Variants in ST13 observed in about 807,000 individuals in gnomAD.
The protein encoded by ST13 is hsc70-interacting protein.
ST13 carries 23 observed loss-of-function variants against 56.7 expected under a neutral mutation model. The ratio of observed to expected loss-of-function variants is 0.41; its 90% CI spans 0.29 to 0.57. ST13 has a LOEUF of 0.57. ST13 is among the 20% of genes least tolerant of loss of function. The pLI, the probability that ST13 is intolerant of heterozygous loss-of-function variation, is 0.36. For missense variants in ST13, 369 were observed against 459.9 expected, an observed-to-expected ratio of 0.80 and a Z score of 1.81; for synonymous variants, 132 against 142.4, an observed-to-expected ratio of 0.93 and a Z score of 0.52.
intron 5 of ST13, 93 bp downstream of exon 5, chr22:40,840,533 G>C (rs1319747767): frequency 5.0e-5 from 55 of 1,095,500 alleles, no homozygotes; most frequent in Non-Finnish European, 1.4e-6. Flanking sequence ...GTATAGGACA[G>C]GTACATGTAA....
chr22:40,836,387 G>C (rs960748587), intron 5 of ST13, among the ~76,000 whole-genome samples: 17 of 152,214 alleles, frequency 1.1e-4, no homozygotes, highest in Non-Finnish European at 2.4e-4. Flanking sequence ...GGAGCTTCCA[G>C]TGAGGCGAGA....
At position 40,837,385 on chromosome 22, in the gene ST13, G is replaced by A. The variant is rs186089682; in HGVS notation, c.383-1498C>T. 6.0e-3 allele frequency among the ~76,000 whole-genome samples: 915 copies of A among 152,272 alleles called. 6 individuals are homozygous for A. The highest frequency in any genetic ancestry group is 0.031 in the Middle Eastern group (9 of 294). ...AATCTCAGCACTTTGGGAGGCCGAGGCAGGTGGATCACCTGAGGTCGGGAG... is the reference window on the plus strand; with the variant it reads ...AATCTCAGCACTTTGGGAGGCCGAGACAGGTGGATCACCTGAGGTCGGGAG... On this transcript the variant is annotated intron_variant, in intron 5 of 11. Coordinates refer to ENST00000216218, the MANE Select transcript of ST13 (RefSeq NM_003932.5).
At chr22:40,850,765 C>A in intron 2 of ST13, 58 bp downstream of exon 2, 3 of 1,340,620 alleles carry the variant, frequency 2.2e-6, no homozygotes, top group South Asian at 2.5e-5. Flanking sequence ...TTAAAAACAA[C>A]CCCTAAGAAA....
chr22:40,845,967 G>A (rs558469824), intron 3 of ST13, among the ~76,000 whole-genome samples: 3 of 152,110 alleles, frequency 2.0e-5, no homozygotes, highest in South Asian at 2.1e-4. Flanking sequence ...ACGGAGTTTC[G>A]CTTTTGTTGC....
Position 40,836,882 on chromosome 22 carries a change from G to C in ST13, c.383-995C>G, listed in dbSNP as rs138317655. Among the ~76,000 whole-genome samples, 546 of 152,280 alleles carry C rather than the reference G, an allele frequency of 3.6e-3. 2 individuals carry two copies. Among genetic ancestry groups the C allele is most frequent in the African/African-American group, 0.012 (483 of 41,552 alleles). On this transcript the variant is annotated intron_variant, in intron 5 of 11. Transcript: ENST00000216218. ...CAGGGTCTAACTCTCACATAGGCTA[G>C]AGTACAGTGGCATGATCATAGCTCA...
chr22:40,827,926 T>A (rs1264461463), intron 10 of ST13, among the ~76,000 whole-genome samples: 1 of 152,188 alleles, frequency 6.6e-6, no homozygotes, highest in Non-Finnish European at 1.5e-5. Context: ...AAGCTAGTCA[T>A]TTTGATCATC....
At chr22:40,844,995 G>C in intron 3 of ST13, 86 bp from the exon 4 acceptor site, 2 of 827,708 alleles carry the variant, frequency 2.4e-6, no homozygotes, top group Non-Finnish European at 1.9e-6. Context: ...GACATACTAT[G>C]ACTACTACAA....
chr22:40,856,346 C>A (rs2057895200), intron 1 of ST13, 85 bp downstream of exon 1: 2 of 1,242,574 alleles, frequency 1.6e-6, no homozygotes, highest in Non-Finnish European at 2.3e-6. Context: ...CCCGCCTCGC[C>A]CGCCGGACCG....
intron 5 of ST13, among the ~76,000 whole-genome samples, chr22:40,840,300 T>A (rs2057797098): frequency 6.6e-6 from 1 of 152,074 alleles, no homozygotes; most frequent in East Asian, 1.9e-4. Flanking sequence ...AGGGTATTAG[T>A]ATGTAAAAAG....
rs1385546953 is a variant in ST13 at position 40,856,605 on chromosome 22, G to A, written c.-65C>T. 1.0e-5 allele frequency: 14 copies of A among 1,365,256 alleles called. No homozygotes were observed. Among genetic ancestry groups the A allele is most frequent in the African/African-American group, 2.9e-5 (2 of 70,040 alleles). The allele number at this position is 1,365,256 out of a possible 1,614,324, so 84.6% of individuals were successfully genotyped here. A position where few individuals can be genotyped will look rare whatever the true frequency, so the allele number is the denominator to read the frequency against. Reference sequence around the variant, plus strand: ...CGGTTCCAGGCCCAGGCGCTGGCTCGGCGTGACCGCGCAGAAGGGGGCGGC... The same window carrying A: ...CGGTTCCAGGCCCAGGCGCTGGCTCAGCGTGACCGCGCAGAAGGGGGCGGC... On this transcript the variant is annotated 5_prime_UTR_variant, in exon 1 of 12. Coordinates refer to ENST00000216218, the MANE Select transcript of ST13 (RefSeq NM_003932.5).
chr22:40,840,883 T>C (rs2057801246), intron 4 of ST13, among the ~76,000 whole-genome samples, 191 bp from the exon 5 acceptor site: 1 of 152,154 alleles, frequency 6.6e-6, no homozygotes. Context: ...CCTTTTATAC[T>C]AAACAAATTT....
intron 3 of ST13, among the ~76,000 whole-genome samples, chr22:40,846,163 C>A (rs1194880111): frequency 2.0e-5 from 3 of 151,870 alleles, no homozygotes; most frequent in African/African-American, 7.3e-5. Flanking sequence ...CTCCAACTCC[C>A]GACCTCAGGT....
At chr22:40,833,654 T>C (rs1437044977) in intron 7 of ST13, among the ~76,000 whole-genome samples, 2 of 151,374 alleles carry the variant, frequency 1.3e-5, no homozygotes, top group Non-Finnish European at 2.9e-5. Flanking sequence ...GGCTGGTGGA[T>C]CACCTGAGGT....
intron 4 of ST13, among the ~76,000 whole-genome samples, chr22:40,844,252 T>C (rs2057819791): frequency 6.6e-6 from 1 of 152,216 alleles, no homozygotes; most frequent in Non-Finnish European, 1.5e-5. Context: ...TGAAATCTGA[T>C]AATATCAAGT....
intron 4 of ST13, among the ~76,000 whole-genome samples, chr22:40,841,010 A>G (rs539567102): frequency 3.2e-4 from 49 of 152,162 alleles, no homozygotes; most frequent in Non-Finnish European, 5.6e-4. Context: ...ACAAAAAGAT[A>G]ACTAGCTCCT....
intron 9 of ST13, among the ~76,000 whole-genome samples, chr22:40,830,425 C>T (rs530155789): frequency 6.6e-6 from 1 of 152,190 alleles, no homozygotes; most frequent in African/African-American, 2.4e-5. Flanking sequence ...CTCCCAAGAG[C>T]TGGGACTATA....
Position 40,856,632 on chromosome 22 carries a change from G to T in ST13, c.-92C>A. 1.0e-6 allele frequency: 1 copy of T among 1,000,744 alleles called. No individual in the cohort carries two copies. Among genetic ancestry groups the T allele is most frequent in the East Asian group, 2.4e-5 (1 of 41,182 alleles). The allele number at this position is 1,000,744 out of a possible 1,614,324, so 62.0% of individuals were successfully genotyped here. On this transcript the variant is annotated 5_prime_UTR_variant, in exon 1 of 12. Coordinates refer to ENST00000216218, the MANE Select transcript of ST13 (RefSeq NM_003932.5). ...CGTGACCGCGCAGAAGGGGGCGGCT[G>T]CCGCAAGACAGAACAGACTAGAACC...
rs752836306 is a variant in ST13 at position 40,856,517 on chromosome 22, C to T, written c.24G>A (p.Glu8=). MDPRKVN[E]LRAFVKMCKQ... ...TACACATTTTCACAAAGGCCCGAAG[C>T]TCGTTCACTTTGCGGGGGTCCATGG... The change falls in exon 1 of 12, where the codon GAG becomes GAA. Residue 8 remains glutamate, a synonymous_variant. Transcript: ENST00000216218. 4 of 1,612,902 alleles carry T rather than the reference C, an allele frequency of 2.5e-6. No homozygotes were observed. The South Asian group carries it at 3.3e-5, about 13-fold the overall frequency.
At chr22:40,831,355 G>T (rs539040893) in intron 8 of ST13, among the ~76,000 whole-genome samples, 1 of 152,288 alleles carries the variant, frequency 6.6e-6, no homozygotes, top group South Asian at 2.1e-4. Context: ...CAGAGACTGG[G>T]AACTCATACC....
Sources: allele counts gnomAD v4.1 joint callset (sites outside exome capture counted in the v4.1 genomes callset), GRCh38; gene constraint gnomAD v4.1.1; transcripts MANE v1.5; gene names NCBI Gene and HGNC (gene_info 2026-07-23, HGNC 2026-07-21).